SDK1: variants seen among roughly 807,000 people sequenced by gnomAD.
SDK1 encodes the protein sidekick cell adhesion molecule 1.
A neutral mutation model predicts 245.5 loss-of-function variants in SDK1; 157 were observed. The observed-to-expected ratio is 0.64, with a 90% CI of 0.56 to 0.73. The LOEUF (loss-of-function observed/expected upper bound fraction) is 0.73, where lower values mean the gene tolerates loss of function less well. SDK1 is among the 30% of genes least tolerant of loss of function. The probability of loss-of-function intolerance (pLI) is 0.00; values close to 1 mark genes in which losing one functional copy is unlikely to be tolerated. For synonymous variants in SDK1, 1,647 were observed against 1,278.5 expected, an observed-to-expected ratio of 1.29 and a Z score of -6.15; for missense variants, 3,583 against 3,002.3, an observed-to-expected ratio of 1.19 and a Z score of -4.52.
chr7:3,400,061 G>A (rs1203115699), intron 1 of SDK1, among the ~76,000 whole-genome samples: 1 of 152,084 alleles, frequency 6.6e-6, no homozygotes, highest in Non-Finnish European at 1.5e-5. Flanking sequence ...AAGCAGGTCA[G>A]ACAGTGACAG....
intron 1 of SDK1, among the ~76,000 whole-genome samples, chr7:3,374,558 G>A (rs958417041): frequency 2.0e-5 from 3 of 152,016 alleles, no homozygotes; most frequent in African/African-American, 7.3e-5. Flanking sequence ...CCACTATACA[G>A]GTCTTCCAAT....
intron 4 of SDK1, among the ~76,000 whole-genome samples, chr7:3,718,486 C>T (rs1785266998): frequency 6.6e-6 from 1 of 151,222 alleles, no homozygotes; most frequent in South Asian, 2.1e-4. Context: ...TGCACCACTG[C>T]ACTCCAGCCT....
chr7:4,161,477 G>T (rs1055343883), intron 31 of SDK1, among the ~76,000 whole-genome samples: 2 of 152,090 alleles, frequency 1.3e-5, no homozygotes, highest in African/African-American at 4.8e-5. Flanking sequence ...CTGCAGGGAG[G>T]GTCTCGAGCC....
intron 28 of SDK1, among the ~76,000 whole-genome samples, chr7:4,141,586 C>G (rs1185882664): frequency 6.6e-6 from 1 of 152,178 alleles, no homozygotes; most frequent in African/African-American, 2.4e-5. Context: ...AACTCTCCAA[C>G]ATATTAAGTA....
At chr7:3,758,635 C>T (rs928308529) in intron 4 of SDK1, among the ~76,000 whole-genome samples, 2 of 152,152 alleles carry the variant, frequency 1.3e-5, no homozygotes, top group Non-Finnish European at 2.9e-5. Context: ...CTTTTCTTGG[C>T]ACTTACTCTG....
intron 5 of SDK1, among the ~76,000 whole-genome samples, chr7:3,903,930 C>T (rs1781877913): frequency 6.6e-6 from 1 of 152,144 alleles, no homozygotes; most frequent in South Asian, 2.1e-4. Flanking sequence ...CTTGCTTTCT[C>T]TCTGGCCATG....
At chr7:3,401,098 G>A (rs1778876452) in intron 1 of SDK1, among the ~76,000 whole-genome samples, 2 of 152,276 alleles carry the variant, frequency 1.3e-5, no homozygotes, top group South Asian at 2.1e-4. Context: ...TGTCCTGATG[G>A]ATTTAGAAGA....
chr7:4,047,199 A>G (rs2128164911), intron 17 of SDK1, among the ~76,000 whole-genome samples: 1 of 152,328 alleles, frequency 6.6e-6, no homozygotes, highest in Middle Eastern at 3.4e-3. Context: ...TTAAAAAATC[A>G]CAATTGATTA....
At chr7:3,728,192 G>T (rs575364486) in intron 4 of SDK1, among the ~76,000 whole-genome samples, 3 of 152,306 alleles carry the variant, frequency 2.0e-5, no homozygotes, top group African/African-American at 7.2e-5. Flanking sequence ...CTTGATCACC[G>T]CTGAGGTAGT....
intron 4 of SDK1, among the ~76,000 whole-genome samples, chr7:3,695,099 G>A (rs559488700): frequency 2.0e-5 from 3 of 152,196 alleles, no homozygotes; most frequent in African/African-American, 7.2e-5. Flanking sequence ...AATTTTTTCT[G>A]TATTACTACA....
intron 1 of SDK1, among the ~76,000 whole-genome samples, chr7:3,523,695 C>T (rs1783021868): frequency 6.6e-6 from 1 of 152,050 alleles, no homozygotes; most frequent in Non-Finnish European, 1.5e-5. Context: ...TCCCAGCCTC[C>T]CAGAGCACAA....
At chr7:3,556,993 TATTAA>T (rs1193956571) in intron 1 of SDK1, among the ~76,000 whole-genome samples, 3 of 150,782 alleles carry the variant, frequency 2.0e-5, no homozygotes, top group Non-Finnish European at 4.4e-5. Flanking sequence ...AAATTAAAAA[TATTAA>T]AAAATAAGGA....
Position 3,759,278 on chromosome 7 carries a change from A to G in SDK1, c.714-62172A>G, listed in dbSNP as rs533117105. Among the ~76,000 whole-genome samples the G allele has an allele frequency of 7.9e-5, 12 of 152,328 alleles. No individual in the cohort carries two copies. The South Asian group carries it at 1.7e-3, about 21-fold the overall frequency. On this transcript the variant is annotated intron_variant, in intron 4 of 44. Transcript: ENST00000404826. ...TCCCAAAAGATCAATCTCTAAATAG[A>G]AAGTGGGAATGTTTAATAGGGAATG...
chr7:4,083,690 T>TTCCCTCCCTCCTTTACTTCC (rs1781227297), intron 22 of SDK1, among the ~76,000 whole-genome samples: 3 of 1,976 alleles, frequency 1.5e-3, no homozygotes, highest in African/African-American at 3.3e-3. Context: ...CCTTCACTTC[T>TTCCCTCCCTCCTTTACTTCC]TCCCTCCCTC....
intron 22 of SDK1, among the ~76,000 whole-genome samples, chr7:4,106,311 T>C (rs978400666): frequency 2.0e-5 from 3 of 151,284 alleles, no homozygotes; most frequent in East Asian, 1.9e-4. Flanking sequence ...TTCTTTCTTT[T>C]TTTTTTTTTT....
chr7:3,740,698 T>G (rs1779454221), intron 4 of SDK1, among the ~76,000 whole-genome samples: 1 of 152,194 alleles, frequency 6.6e-6, no homozygotes, highest in South Asian at 2.1e-4. Context: ...TAGGGCAAGT[T>G]AAAACACTTT....
chr7:3,534,230 CTTTT>C (rs140143315), intron 1 of SDK1, among the ~76,000 whole-genome samples: 9 of 151,906 alleles, frequency 5.9e-5, no homozygotes, highest in Non-Finnish European at 1.3e-4. Context: ...GGATTTCGCT[CTTTT>C]TTTTAAGTTA....
intron 4 of SDK1, among the ~76,000 whole-genome samples, chr7:3,673,577 G>C (rs1486067028): frequency 6.6e-6 from 1 of 152,218 alleles, no homozygotes; most frequent in African/African-American, 2.4e-5. Context: ...TTCACTGTGA[G>C]ATGCCTTGGT....
At chr7:4,210,918 A>G (rs1343753452) in intron 38 of SDK1, among the ~76,000 whole-genome samples, 3 of 152,168 alleles carry the variant, frequency 2.0e-5, no homozygotes, top group African/African-American at 7.2e-5. Flanking sequence ...CGGAGTGACA[A>G]GGGCCCGGAC....
Sources: allele counts gnomAD v4.1 joint callset (sites outside exome capture counted in the v4.1 genomes callset), GRCh38; gene constraint gnomAD v4.1.1; transcripts MANE v1.5; gene names NCBI Gene and HGNC (gene_info 2026-07-23, HGNC 2026-07-21).